CD109: variants seen among roughly 807,000 people sequenced by gnomAD.
CD109 encodes CD109 molecule.
CD109 carries 149 observed loss-of-function variants against 165.8 expected under a neutral mutation model. The ratio of observed to expected loss-of-function variants is 0.90; its 90% CI spans 0.79 to 1.03. The LOEUF (loss-of-function observed/expected upper bound fraction) is 1.03. Among genes scored for constraint, CD109 ranks in the 50% least tolerant of loss-of-function variants. The probability of loss-of-function intolerance (pLI) is 0.00; values close to 1 mark genes in which losing one functional copy is unlikely to be tolerated. For synonymous variants in CD109, 585 were observed against 592.1 expected, an observed-to-expected ratio of 0.99 and a Z score of 0.18; for missense variants, 1,712 against 1,677.8, an observed-to-expected ratio of 1.02 and a Z score of -0.36.
intron 20 of CD109, among the ~76,000 whole-genome samples, chr6:73,786,314 G>C (rs1424943811): frequency 2.6e-5 from 4 of 152,120 alleles, no homozygotes; most frequent in South Asian, 2.1e-4. Context: ...AGAATAAGTA[G>C]AGATACGTAA....
At chr6:73,712,733 CA>C (rs1771585428) in intron 2 of CD109, among the ~76,000 whole-genome samples, 1 of 152,196 alleles carries the variant, frequency 6.6e-6, no homozygotes, top group South Asian at 2.1e-4. Context: ...GCGAAGCCTT[CA>C]AACAAGGTTT....
chr6:73,816,442 A>G (rs551423667), intron 30 of CD109, among the ~76,000 whole-genome samples: 2 of 152,268 alleles, frequency 1.3e-5, no homozygotes, highest in East Asian at 3.9e-4. Flanking sequence ...TCTGTAAAGT[A>G]TGTGTTATTA....
At chr6:73,756,199 A>G (rs117719515) in intron 5 of CD109, among the ~76,000 whole-genome samples, 1,917 of 152,342 alleles carry the variant, frequency 0.013, 19 homozygotes, top group Non-Finnish European at 0.022. Flanking sequence ...ATTTATAAGT[A>G]TTTGAGTTAT....
intron 23 of CD109, among the ~76,000 whole-genome samples, chr6:73,798,971 C>T (rs1775268837): frequency 6.6e-6 from 1 of 152,000 alleles, no homozygotes; most frequent in South Asian, 2.1e-4. Flanking sequence ...TTTTCTTCTT[C>T]CCTCTCCTCT....
intron 10 of CD109, among the ~76,000 whole-genome samples, chr6:73,764,632 T>C (rs1471081619): frequency 6.6e-6 from 1 of 151,622 alleles, no homozygotes; most frequent in Non-Finnish European, 1.5e-5. Flanking sequence ...CTGACCAACA[T>C]GGAGAAACCC....
chr6:73,770,358 G>A (rs778283374), intron 14 of CD109, among the ~76,000 whole-genome samples: 4 of 152,202 alleles, frequency 2.6e-5, no homozygotes, highest in Non-Finnish European at 4.4e-5. Flanking sequence ...TTGTAAAGTC[G>A]AGTCAACTTG....
intron 5 of CD109, among the ~76,000 whole-genome samples, chr6:73,737,311 G>T (rs374993687): frequency 7.7e-4 from 118 of 152,322 alleles, no homozygotes; most frequent in African/African-American, 2.6e-3. Context: ...GCCTTGAGTA[G>T]GTGGGACTCG....
chr6:73,775,185 GTA>G lies in CD109; in HGVS notation c.1827+3616_1827+3617del, dbSNP rs201965339. Among the ~76,000 whole-genome samples the G allele has an allele frequency of 1.3e-3, 198 of 150,556 alleles. 1 individual carries two copies. Among genetic ancestry groups the G allele is most frequent in the African/African-American group, 4.4e-3 (182 of 41,062 alleles). ...TTATTGTGTATATTTGAGGTTATGT[GTA>G]TATATATATATGTATATATGTATAT... On this transcript the variant is annotated intron_variant, in intron 15 of 32. Coordinates refer to ENST00000287097, the MANE Select transcript of CD109 (RefSeq NM_133493.5).
intron 23 of CD109, among the ~76,000 whole-genome samples, chr6:73,794,613 G>A (rs1775090856): frequency 6.6e-6 from 1 of 152,174 alleles, no homozygotes; most frequent in Admixed American, 6.5e-5. Flanking sequence ...TCAAGGGGTT[G>A]CGGGTCAGGA....
chr6:73,780,967 TGTGC>T (rs1428600292), intron 16 of CD109, among the ~76,000 whole-genome samples: 1 of 150,164 alleles, frequency 6.7e-6, no homozygotes, highest in African/African-American at 2.4e-5. Flanking sequence ...TCAATGTGTA[TGTGC>T]GTGTGTGTGT....
intron 13 of CD109, 48 bp from the exon 14 acceptor site, chr6:73,768,007 T>A (rs777419209): frequency 1.4e-6 from 2 of 1,432,564 alleles, no homozygotes; most frequent in South Asian, 2.4e-5. Context: ...TCAGATGAGA[T>A]CCTACTAGGT....
chr6:73,758,886 A>G (rs137989562), intron 6 of CD109, 58 bp from the exon 7 acceptor site: 41 of 864,988 alleles, frequency 4.7e-5, no homozygotes, highest in Non-Finnish European at 7.2e-5. Flanking sequence ...TAAAAGATTT[A>G]CCCTTGCTTC....
At chr6:73,720,616 C>T (rs896430465) in intron 2 of CD109, among the ~76,000 whole-genome samples, 2 of 151,832 alleles carry the variant, frequency 1.3e-5, no homozygotes, top group African/African-American at 2.4e-5. Flanking sequence ...ATCTATATGT[C>T]GCATACCATA....
intron 14 of CD109, among the ~76,000 whole-genome samples, chr6:73,768,775 C>CT (rs1773938591): frequency 1.3e-5 from 2 of 152,148 alleles, no homozygotes; most frequent in Admixed American, 1.3e-4. Context: ...ATGTGACCAG[C>CT]TTGAGTAGGA....
intron 5 of CD109, among the ~76,000 whole-genome samples, chr6:73,739,375 C>T (rs549752844): frequency 5.5e-4 from 83 of 152,218 alleles, no homozygotes; most frequent in African/African-American, 1.6e-3. Flanking sequence ...TTGACTACTG[C>T]GCAGCATTAA....
chr6:73,801,705 A>G (rs1034968678), intron 23 of CD109, among the ~76,000 whole-genome samples: 2 of 152,200 alleles, frequency 1.3e-5, no homozygotes, highest in Non-Finnish European at 2.9e-5. Flanking sequence ...TCAAATATGA[A>G]TTTTACTTAT....
chr6:73,747,645 G>A (rs1041914829), intron 5 of CD109, among the ~76,000 whole-genome samples: 6 of 152,074 alleles, frequency 3.9e-5, no homozygotes, highest in Admixed American at 1.3e-4. Flanking sequence ...ATCAACATCT[G>A]TATTTGGATG....
intron 19 of CD109, among the ~76,000 whole-genome samples, chr6:73,784,561 G>C (rs988697276): frequency 6.6e-6 from 1 of 152,096 alleles, no homozygotes; most frequent in East Asian, 1.9e-4. Flanking sequence ...TAGCACCTTC[G>C]AGTCATGGTG....
chr6:73,795,199 G>T (rs1374364275), intron 23 of CD109, among the ~76,000 whole-genome samples: 1 of 134,120 alleles, frequency 7.5e-6, no homozygotes, highest in East Asian at 2.2e-4. Context: ...CTTTGGGATA[G>T]TTTAATACAA....
Sources: gnomAD v4.1 joint callset for allele counts (sites outside exome capture counted in the v4.1 genomes callset) on GRCh38, gnomAD v4.1.1 for gene constraint, MANE v1.5 for transcripts, NCBI Gene and HGNC (gene_info 2026-07-23, HGNC 2026-07-21) for gene names.